SMARCA4: variants seen among roughly 807,000 people sequenced by gnomAD.
The protein encoded by SMARCA4 is SWI/SNF related BAF chromatin remodeling complex subunit ATPase 4.
SMARCA4 carries 31 observed loss-of-function variants against 193.9 expected under a neutral mutation model. The observed-to-expected ratio is 0.16, with a 90% CI of 0.12 to 0.22. SMARCA4 has a LOEUF of 0.22. SMARCA4 is among the 10% of genes least tolerant of loss of function. SMARCA4 has a pLI of 1.00. For synonymous variants in SMARCA4, 942 were observed against 933.1 expected, an observed-to-expected ratio of 1.01 and a Z score of -0.17; for missense variants, 1,148 against 2,296.0, an observed-to-expected ratio of 0.50 and a Z score of 10.22.
At chr19:11,050,119 G>A (rs775987866) in intron 30 of SMARCA4, among the ~76,000 whole-genome samples, 4 of 152,218 alleles carry the variant, frequency 2.6e-5, no homozygotes, top group African/African-American at 4.8e-5. Flanking sequence ...TGTGCTAGAC[G>A]GTGGTGTTGA....
intron 1 of SMARCA4, among the ~76,000 whole-genome samples, chr19:10,966,518 G>A (rs1426506551): frequency 1.3e-5 from 2 of 152,136 alleles, no homozygotes; most frequent in Non-Finnish European, 2.9e-5. Flanking sequence ...AGCCGAGGAG[G>A]TGGAGGCTGC....
rs1297763392 is a variant in SMARCA4 at position 11,029,553 on chromosome 19, G to A, written c.3383-1177G>A. Among the ~76,000 whole-genome samples, 8 of 152,268 alleles carry A rather than the reference G, an allele frequency of 5.3e-5. No homozygotes were observed. The East Asian group carries it at 1.2e-3, about 22-fold the overall frequency. ...ACCTCAGCCCCTCCTCCGAGCTGGA[G>A]TAGCAGGGGCACATCTGGTGCCTGA... On this transcript the variant is annotated intron_variant, in intron 24 of 34. Coordinates refer to ENST00000344626, the MANE Select transcript of SMARCA4 (RefSeq NM_003072.5).
At chr19:11,008,446 TA>T in intron 14 of SMARCA4, 1 of 321,146 alleles carries the variant, frequency 3.1e-6, no homozygotes, top group South Asian at 2.6e-5. Context: ...TGCACCTTGT[TA>T]TTTTCACTGA....
At position 11,010,478 on chromosome 19, in the gene SMARCA4, A is replaced by G. The variant is rs1555773339; in HGVS notation, c.2221A>G (p.Arg741Gly). Residue 741 changes from arginine to glycine, a missense_variant, in exon 15 of 35, where the codon AGA becomes GGA. Arg to Gly is a moderately radical substitution (Grantham distance 125). Transcript: ENST00000344626. ...TGCCGTGGCCCATGCTGTCACTGAG[A>G]GAGTGGACAAGCAGTCAGCGCTTAT... ...YYAVAHAVTE[R>G]VDKQSALMVN... 1.2e-6 allele frequency: 2 copies of G among 1,614,002 alleles called. No individual in the cohort carries two copies. Among genetic ancestry groups the G allele is most frequent in the Non-Finnish European group, 1.7e-6 (2 of 1,179,982 alleles).
intron 1 of SMARCA4, chr19:10,983,832 C>G (rs1283379943): frequency 2.0e-6 from 1 of 502,918 alleles, no homozygotes; most frequent in East Asian, 3.6e-5. Context: ...CTGAGACACC[C>G]TCTGCCGTGA....
At position 11,007,416 on chromosome 19, in the gene SMARCA4, T is replaced by C. The variant is rs367976373; in HGVS notation, c.2002-486T>C. ...CTGCACTCCAGCTTGGGCAACAGAG[T>C]GACACTTCGTCTCAAAAAAAAAAAA... On this transcript the variant is annotated intron_variant, in intron 13 of 34. Coordinates refer to ENST00000344626, the MANE Select transcript of SMARCA4 (RefSeq NM_003072.5). 2.9e-3 allele frequency among the ~76,000 whole-genome samples: 357 copies of C among 124,376 alleles called. 1 individual carries two copies. The highest frequency in any genetic ancestry group is 0.019 in the South Asian group (75 of 4,022). 81.6% of individuals were successfully genotyped at this position (124,376 alleles called of 152,430 possible).
At chr19:10,982,654 C>G (rs1387475456) in intron 1 of SMARCA4, among the ~76,000 whole-genome samples, 1 of 151,928 alleles carries the variant, frequency 6.6e-6, no homozygotes, top group African/African-American at 2.4e-5. Context: ...TGCCTGCCAC[C>G]ATGCCCGGCT....
At chr19:10,968,792 C>T (rs1446717972) in intron 1 of SMARCA4, among the ~76,000 whole-genome samples, 1 of 152,182 alleles carries the variant, frequency 6.6e-6, no homozygotes, top group Non-Finnish European at 1.5e-5. Context: ...ACCCATCTTG[C>T]TCCGAAAGTC....
At chr19:11,054,793 G>A (rs2076449124) in intron 30 of SMARCA4, among the ~76,000 whole-genome samples, 1 of 152,144 alleles carries the variant, frequency 6.6e-6, no homozygotes, top group South Asian at 2.1e-4. Flanking sequence ...ATTAAGAGGT[G>A]TGGGCTGGGT....
chr19:11,019,466 A>C lies in SMARCA4; in HGVS notation c.2506-125A>C. The C allele has an allele frequency of 2.9e-6, 2 of 690,278 alleles. No homozygotes were observed. Among genetic ancestry groups the C allele is most frequent in the Non-Finnish European group, 5.3e-6 (2 of 380,494 alleles). The allele number at this position is 690,278 out of a possible 1,614,324, so 42.8% of individuals were successfully genotyped here. On this transcript the variant is annotated intron_variant, in intron 17 of 34. Coordinates refer to ENST00000344626, the MANE Select transcript of SMARCA4 (RefSeq NM_003072.5). This position sits in a 1 kb window ranked among gnomAD's most constrained non-coding sequence, Gnocchi z 6.1. ...AGCGGCCCTGCCAGCCCCTTTCCCC[A>C]CTACCCCTGTGAGGACGAGCCCTCC...
intron 13 of SMARCA4, among the ~76,000 whole-genome samples, chr19:11,007,387 G>A (rs1330506579): frequency 3.5e-5 from 5 of 140,858 alleles, no homozygotes; most frequent in East Asian, 4.2e-4. Flanking sequence ...CCGAGATCAC[G>A]CCACTGCACT....
Position 11,003,321 on chromosome 19 carries a change from G to A in SMARCA4, c.1944-19G>A, listed in dbSNP as rs74942410. ...TGGCTCTGAGCAGATTTGTATGAAA[G>A]CCCTTACATTTTTTCTAGGTATGAA... is the stretch of plus-strand genomic sequence containing the variant. On this transcript the variant is annotated intron_variant, in intron 12 of 34. Coordinates refer to ENST00000344626, the MANE Select transcript of SMARCA4 (RefSeq NM_003072.5). The A allele has an allele frequency of 1.2e-6, 2 of 1,611,538 alleles. No homozygotes were observed. Among genetic ancestry groups the A allele is most frequent in the Non-Finnish European group, 1.7e-6 (2 of 1,177,720 alleles).
chr19:10,987,946 C>T lies in SMARCA4; in HGVS notation c.1118+22C>T, dbSNP rs780236304. 1 of 1,610,958 alleles carries T rather than the reference C, an allele frequency of 6.2e-7. No homozygotes were observed. The highest frequency in any genetic ancestry group is 8.5e-7 in the Non-Finnish European group (1 of 1,179,504). On this transcript the variant is annotated intron_variant, in intron 6 of 34. Coordinates refer to ENST00000344626, the MANE Select transcript of SMARCA4 (RefSeq NM_003072.5). This position sits in a 1 kb window ranked among gnomAD's most constrained non-coding sequence, Gnocchi z 5.3. ...ACAGGTGAGGGCGGGGCCCAGTTGC[C>T]AAGGTCACTGCCCTGTGTCCCCCAT...
rs770946823 is a variant in SMARCA4, at chr19:10,987,785, C to G, written c.979C>G (p.Pro327Ala). 6.2e-7 allele frequency: 1 copy of G among 1,600,204 alleles called. No homozygotes were observed. The highest frequency in any genetic ancestry group is 8.5e-7 in the Non-Finnish European group (1 of 1,174,188). Residue 327 changes from proline (P) to alanine (A), a missense_variant, in exon 6 of 35, where the codon CCA (proline) becomes GCA (alanine). Coordinates refer to ENST00000344626, the MANE Select transcript of SMARCA4 (RefSeq NM_003072.5). The surrounding 1 kb of genome is among the most constrained non-coding windows in gnomAD (Gnocchi z 5.3). ...AVPPAASPVMPPQTQSPGQPA... is the reference protein window; with the variant it reads ...AVPPAASPVMAPQTQSPGQPA... ...CCCACCCGCCGCCTCGCCCGTGATG[C>G]CACCGCAGACCCAGTCCCCCGGGCA... is the stretch of plus-strand genomic sequence containing the variant.
intron 1 of SMARCA4, among the ~76,000 whole-genome samples, chr19:10,969,190 C>G (rs963487951): frequency 2.6e-5 from 4 of 152,234 alleles, no homozygotes. Flanking sequence ...AACCCCGGCC[C>G]TGCCTGTCTT....
chr19:10,989,069 C>G (rs1363378965), intron 6 of SMARCA4, among the ~76,000 whole-genome samples: 1 of 152,240 alleles, frequency 6.6e-6, no homozygotes, highest in Non-Finnish European at 1.5e-5. Context: ...GCTCACACCA[C>G]TGAAAAGGCA....
intron 29 of SMARCA4, chr19:11,039,604 G>A (rs1806130607): frequency 9.2e-7 from 1 of 1,085,740 alleles, no homozygotes; most frequent in African/African-American, 1.6e-5. Context: ...CAACACTGGG[G>A]ACGTGCCTAA....
At chr19:11,018,635 C>T (rs940752149) in intron 16 of SMARCA4, among the ~76,000 whole-genome samples, 5 of 152,230 alleles carry the variant, frequency 3.3e-5, no homozygotes, top group African/African-American at 9.7e-5. Flanking sequence ...TGCATTTTCC[C>T]GGCAGCAGGT....
At chr19:11,046,462 G>A (rs2075923378) in intron 30 of SMARCA4, among the ~76,000 whole-genome samples, 1 of 152,146 alleles carries the variant, frequency 6.6e-6, no homozygotes, top group Admixed American at 6.6e-5. Context: ...TGGAATGGAT[G>A]GATTCACAGA....
Sources: allele counts gnomAD v4.1 joint callset (sites outside exome capture counted in the v4.1 genomes callset), GRCh38; gene constraint gnomAD v4.1.1; non-coding constraint Gnocchi (gnomAD v3.1); transcripts MANE v1.5; gene names NCBI Gene and HGNC (gene_info 2026-07-23, HGNC 2026-07-21).